The following DTX1 variants were observed in gnomAD, a reference collection of about 807,000 sequenced individuals.
DTX1 encodes E3 ubiquitin-protein ligase DTX1.
A neutral mutation model predicts 57.8 loss-of-function variants in DTX1; 26 were observed. The observed-to-expected ratio is 0.45, with a 90% CI of 0.33 to 0.62. DTX1 has a LOEUF of 0.62. Ranked by LOEUF, DTX1 falls within the 20% of genes least tolerant of loss-of-function variation. The pLI is 0.02. For synonymous variants in DTX1, 398 were observed against 394.1 expected, an observed-to-expected ratio of 1.01 and a Z score of -0.12; for missense variants, 704 against 895.3, an observed-to-expected ratio of 0.79 and a Z score of 2.73.
chr12:113,071,827 G>C (rs2044740281), intron 2 of DTX1, among the ~76,000 whole-genome samples: 1 of 152,260 alleles, frequency 6.6e-6, no homozygotes, highest in Admixed American at 6.5e-5. Context: ...GCCCAGCGGG[G>C]AGGACAGCAG....
At chr12:113,082,627 C>T (rs184099158) in intron 3 of DTX1, among the ~76,000 whole-genome samples, 291 of 152,286 alleles carry the variant, frequency 1.9e-3, no homozygotes, top group African/African-American at 6.8e-3. Flanking sequence ...CAGAGCCTCG[C>T]TCTTATTGCC....
intron 2 of DTX1, among the ~76,000 whole-genome samples, chr12:113,065,185 G>A (rs1284767351): frequency 6.6e-6 from 1 of 152,192 alleles, no homozygotes; most frequent in Non-Finnish European, 1.5e-5. Flanking sequence ...CGGGCCCTTG[G>A]AGCTGGAGCA....
rs745359772 is a variant in DTX1 at position 113,095,376 on chromosome 12, C to T, written c.1600C>T (p.Arg534Cys). 1 of 1,614,244 alleles carries T rather than the reference C, an allele frequency of 6.2e-7. No homozygotes were observed. The highest frequency in any genetic ancestry group is 8.5e-7 in the Non-Finnish European group (1 of 1,180,052). The change falls in exon 9 of 10, where the codon CGC becomes TGC. Residue 534 changes from arginine (R) to cysteine (C), a missense_variant. Transcript: ENST00000548759. ...GKKFTARGFP[R>C]HCYLPNNEKG... ...GAAGTTCACCGCAAGAGGATTCCCT[C>T]GCCACTGCTATCTACCCAACAACGA... is the stretch of plus-strand genomic sequence containing the variant.
rs572676367 is a variant in DTX1, at chr12:113,069,490, G to C, written c.260-7934G>C. On this transcript the variant is annotated intron_variant, in intron 2 of 9. Transcript: ENST00000548759. Reference sequence around the variant, plus strand: ...CTGGCCTGGCTTCCAGCAGACCCTGGAGAACCTGGGCCAGCTTCAACCACA... The same window carrying C: ...CTGGCCTGGCTTCCAGCAGACCCTGCAGAACCTGGGCCAGCTTCAACCACA... Among the ~76,000 whole-genome samples, 11 of 152,244 alleles carry C rather than the reference G, an allele frequency of 7.2e-5. No homozygotes were observed. The East Asian group carries it at 2.1e-3, about 29-fold the overall frequency.
At position 113,078,115 on chromosome 12, in the gene DTX1, G is replaced by A. The variant is rs994337832; in HGVS notation, c.941+10G>A. 3 of 1,357,048 alleles carry A rather than the reference G, an allele frequency of 2.2e-6. No individual in the cohort carries two copies. The highest frequency in any genetic ancestry group is 2.6e-4 in the Middle Eastern group (1 of 3,896). 84.1% of individuals were successfully genotyped at this position (1,357,048 alleles called of 1,614,324 possible). A position where few individuals can be genotyped will look rare whatever the true frequency, so the allele number is the denominator to read the frequency against. On this transcript the variant is annotated intron_variant, in intron 3 of 9. Transcript: ENST00000548759. ...CCTCCATCCCGCCGGGGTAAGACGG[G>A]GCCCAGGGGGAGGGGGCCTCTGCGT...
rs2136067390 is a variant in DTX1 at position 113,093,735 on chromosome 12, A to G, written c.1165+35A>G. 3 of 1,609,272 alleles carry G rather than the reference A, an allele frequency of 1.9e-6. No homozygotes were observed. Among genetic ancestry groups the G allele is most frequent in the Non-Finnish European group, 2.5e-6 (3 of 1,177,216 alleles). On this transcript the variant is annotated intron_variant, in intron 5 of 9. Coordinates refer to ENST00000548759, the MANE Select transcript of DTX1 (RefSeq NM_004416.3). This position sits in a 1 kb window ranked among gnomAD's most constrained non-coding sequence, Gnocchi z 4.2. Reference sequence around the variant, plus strand: ...CCACGCCCTGCCTCACACGAGATGAACCCCACTAAGCCTTGACCACAACTC... The same window carrying G: ...CCACGCCCTGCCTCACACGAGATGAGCCCCACTAAGCCTTGACCACAACTC...
chr12:113,084,724 A>G (rs915814142), intron 3 of DTX1, among the ~76,000 whole-genome samples: 13 of 152,284 alleles, frequency 8.5e-5, no homozygotes, highest in Non-Finnish European at 1.0e-4. Flanking sequence ...CAGATACTCA[A>G]TGTGGCAGGT....
intron 3 of DTX1, among the ~76,000 whole-genome samples, chr12:113,092,725 T>C (rs1189753943): frequency 6.6e-6 from 1 of 152,252 alleles, no homozygotes; most frequent in Non-Finnish European, 1.5e-5. Context: ...GACGTGTTCC[T>C]AACTTACTTG....
At chr12:113,064,391 T>A (rs2044689945) in intron 2 of DTX1, among the ~76,000 whole-genome samples, 1 of 152,218 alleles carries the variant, frequency 6.6e-6, no homozygotes. Flanking sequence ...TCATCGCTCG[T>A]ATTTGGTAGT....
At chr12:113,072,139 A>G (rs993960346) in intron 2 of DTX1, among the ~76,000 whole-genome samples, 2 of 152,048 alleles carry the variant, frequency 1.3e-5, no homozygotes, top group Admixed American at 1.3e-4. Context: ...CCTCTCCATC[A>G]AGCCCAGATT....
At chr12:113,076,534 C>T (rs902766602) in intron 2 of DTX1, among the ~76,000 whole-genome samples, 3 of 150,518 alleles carry the variant, frequency 2.0e-5, no homozygotes, top group African/African-American at 4.9e-5. Context: ...GAGGCCAAGG[C>T]GGTTGGATTG....
At chr12:113,088,612 A>T (rs536021659) in intron 3 of DTX1, among the ~76,000 whole-genome samples, 107 of 152,386 alleles carry the variant, frequency 7.0e-4, no homozygotes, top group Admixed American at 2.5e-3. Context: ...GTATAATTTT[A>T]AAAAAAGACT....
At chr12:113,058,473 GC>G in intron 2 of DTX1, 22 bp downstream of exon 2, 1 of 1,570,386 alleles carries the variant, frequency 6.4e-7, no homozygotes, top group Non-Finnish European at 8.6e-7. Flanking sequence ...CCCACCCCAT[GC>G]CACCCGCCCC....
intron 2 of DTX1, among the ~76,000 whole-genome samples, chr12:113,070,264 G>A (rs189521168): frequency 6.6e-6 from 1 of 152,362 alleles, no homozygotes; most frequent in Admixed American, 6.5e-5. Flanking sequence ...TTCTGGGTTG[G>A]TGAAGGATTC....
At chr12:113,071,132 C>T (rs932393139) in intron 2 of DTX1, among the ~76,000 whole-genome samples, 2 of 152,330 alleles carry the variant, frequency 1.3e-5, no homozygotes, top group Admixed American at 6.5e-5. Context: ...CCCATGTTGG[C>T]CTTGGCCTGT....
intron 2 of DTX1, among the ~76,000 whole-genome samples, chr12:113,068,991 A>G (rs2044722433): frequency 6.6e-6 from 1 of 152,208 alleles, no homozygotes; most frequent in Non-Finnish European, 1.5e-5. Flanking sequence ...TTTGTACAAG[A>G]CAGTGATCGT....
chr12:113,077,620 C>T lies in DTX1; in HGVS notation c.456C>T (p.Tyr152=). The change falls in exon 3 of 10, where the codon TAC becomes TAT. Residue 152 remains tyrosine (Y), a synonymous_variant. Transcript: ENST00000548759. The surrounding 1 kb of genome is among the most constrained non-coding windows in gnomAD (Gnocchi z 7.8). ...CGCTAGGCTTCTGCTACCTCATCTA[C>T]TTCAACAGCATGTCGCAGATGAACC... ...LSSLGFCYLI[Y]FNSMSQMNRQ... 3 of 1,612,756 alleles carry T rather than the reference C, an allele frequency of 1.9e-6. No individual in the cohort carries two copies. The highest frequency in any genetic ancestry group is 2.5e-6 in the Non-Finnish European group (3 of 1,179,748).
intron 9 of DTX1, 200 bp downstream of exon 9, chr12:113,095,614 A>T: frequency 3.1e-6 from 2 of 640,376 alleles, no homozygotes; most frequent in Non-Finnish European, 5.3e-6. Flanking sequence ...CAAGATCCTG[A>T]CCCCATTTTA....
At chr12:113,090,139 A>G (rs1365362986) in intron 3 of DTX1, 3 of 152,216 alleles carry the variant, frequency 2.0e-5, no homozygotes, top group Non-Finnish European at 4.4e-5. Context: ...TGGAGAAAAA[A>G]AGAGATACTT....
Sources: gnomAD v4.1 joint callset for allele counts (sites outside exome capture counted in the v4.1 genomes callset) on GRCh38, gnomAD v4.1.1 for gene constraint, Gnocchi (gnomAD v3.1) non-coding constraint, MANE v1.5 for transcripts, NCBI Gene and HGNC (gene_info 2026-07-23, HGNC 2026-07-21) for gene names.